The following UBC variants were observed in gnomAD, a reference collection of about 807,000 sequenced individuals.
The protein encoded by UBC is ubiquitin C.
A neutral mutation model predicts 34.7 loss-of-function variants in UBC; 8 were observed. The observed-to-expected ratio is 0.23, with a 90% confidence interval of 0.14 to 0.42. UBC has a LOEUF of 0.42. Ranked by LOEUF, UBC falls within the 10% of genes least tolerant of loss-of-function variation. UBC has a pLI of 1.00. For missense variants in UBC, 323 were observed against 750.3 expected (o/e 0.43, Z 6.65); for synonymous variants, 367 against 299.8 (o/e 1.22, Z -2.32).
In UBC at chr12:124,913,294, G is replaced by C; in HGVS notation, c.478C>G (p.Leu160Val). ...TCGAGGGTGATGGTCTTACCAGTCA[G>C]GGTCTTCACGAAGATCTGCATCCCA... ...RGGMQIFVKT[L>V]TGKTITLEVE... Residue 160 changes from leucine (L) to valine (V), a missense_variant, in exon 2 of 2, where the codon CTG (leucine) becomes GTG (valine). Physicochemically the swap from Leu to Val is conservative, Grantham distance 32. Transcript: ENST00000339647. 6.2e-7 allele frequency: 1 copy of C among 1,610,698 alleles called. No homozygotes were observed. Among genetic ancestry groups the C allele is most frequent in the Non-Finnish European group, 8.5e-7 (1 of 1,178,892 alleles).
At position 124,913,466 on chromosome 12, in the gene UBC, G is replaced by C. The variant is rs779647659; in HGVS notation, c.306C>G (p.Val102=). ...EVEPSDTIEN[V]KAKIQDKEGI... ...CTTCCTTGTCCTGGATCTTTGCTTTGACGTTCTCGATGGTGTCACTGGGCT... is the reference window on the plus strand; with the variant it reads ...CTTCCTTGTCCTGGATCTTTGCTTTCACGTTCTCGATGGTGTCACTGGGCT... The change falls in exon 2 of 2, where the codon GTC becomes GTG. Residue 102 remains valine (V), a synonymous_variant. Transcript: ENST00000339647. 9 of 1,611,066 alleles carry C rather than the reference G, an allele frequency of 5.6e-6. No individual in the cohort carries two copies. In the South Asian group the frequency reaches 7.7e-5, roughly 14 times the overall value.
In UBC at chr12:124,913,103, G is replaced by C. The variant is rs1346951246; in HGVS notation, c.669C>G (p.Leu223=). 3.1e-6 allele frequency: 5 copies of C among 1,608,838 alleles called. No homozygotes were observed. Among genetic ancestry groups the C allele is most frequent in the African/African-American group, 1.4e-5 (1 of 73,672 alleles). The part of the protein sequence containing the change: ...IQKESTLHLV[L]RLRGGMQIFV... Reference sequence around the variant, plus strand: ...AGATTTGCATCCCACCTCTGAGACGGAGTACCAGGTGCAAGGTGGACTCTT... The same window carrying C: ...AGATTTGCATCCCACCTCTGAGACGCAGTACCAGGTGCAAGGTGGACTCTT... Residue 223 remains leucine (L), a synonymous_variant, in exon 2 of 2, where the codon CTC becomes CTG. Transcript: ENST00000339647.
intron 1 of UBC, 120 bp downstream of exon 1, chr12:124,914,467 A>C (rs1378866330): frequency 6.5e-6 from 1 of 154,338 alleles, no homozygotes; most frequent in Non-Finnish European, 1.4e-5. Flanking sequence ...CCCCCAGTTC[A>C]GGGCAACCTT....
At chr12:124,913,937 G>A (rs894044465) in intron 1 of UBC, 163 bp from the exon 2 acceptor site, 105 of 1,108,552 alleles carry the variant, frequency 9.5e-5, no homozygotes, top group Middle Eastern at 5.2e-4. Context: ...CGGAGCTTCA[G>A]CTACTTAAGA....
Position 124,912,677 on chromosome 12 carries a change from G to A in UBC, c.1095C>T (p.Ile365=), listed in dbSNP as rs779902572. The A allele has an allele frequency of 6.2e-7, 1 of 1,611,196 alleles. No individual in the cohort carries two copies. Among genetic ancestry groups the A allele is most frequent in the South Asian group, 1.1e-5 (1 of 90,900 alleles). The stretch of plus-strand genomic sequence containing the variant: ...CCAGGTGCAAGGTGGACTCTTTCTG[G>A]ATGTTGTAGTCAGACAGGGTACGAC... The part of the protein sequence containing the change: ...EDGRTLSDYN[I]QKESTLHLVL... The change falls in exon 2 of 2, where the codon ATC becomes ATT. Residue 365 remains isoleucine, a synonymous_variant. Transcript: ENST00000339647.
intron 1 of UBC, chr12:124,914,364 C>G (rs534047124): frequency 1.3e-5 from 2 of 157,246 alleles, no homozygotes; most frequent in Admixed American, 1.2e-4. Flanking sequence ...CCACCATGCC[C>G]CCCACCTTGT....
In UBC at chr12:124,913,123, A is replaced by C; in HGVS notation, c.649T>G (p.Ser217Ala). 1 of 1,603,690 alleles carries C rather than the reference A, an allele frequency of 6.2e-7. No individual in the cohort carries two copies. Among genetic ancestry groups the C allele is most frequent in the Non-Finnish European group, 8.5e-7 (1 of 1,176,578 alleles). The change falls in exon 2 of 2, where the codon TCC becomes GCC. Residue 217 changes from serine (S) to alanine (A), a missense_variant. Coordinates refer to ENST00000339647, the MANE Select transcript of UBC (RefSeq NM_021009.7). ...AGACGGAGTACCAGGTGCAAGGTGG[A>C]CTCTTTCTGGATGTTGTAGTCAGAC... Reference protein sequence around the residue: ...TLSDYNIQKESTLHLVLRLRG... With the variant: ...TLSDYNIQKEATLHLVLRLRG...
At position 124,912,568 on chromosome 12, in the gene UBC, T is replaced by C; in HGVS notation, c.1204A>G (p.Thr402Ala). The change falls in exon 2 of 2, where the codon ACC (threonine) becomes GCC (alanine). Residue 402 changes from threonine to alanine, a missense_variant. This residue lies in a region of UBC where 66 missense variants were observed against 125.4 expected (regional missense o/e 0.53). Transcript: ENST00000339647. Reference protein sequence around the residue: ...TITLEVEPSDTIENVKAKIQD... With the variant: ...TITLEVEPSDAIENVKAKIQD... ...ATCTTTGCCTTGACATTCTCAATGG[T>C]GTCACTCGGCTCCACCTCGAGAGTG... 1 of 1,580,254 alleles carries C rather than the reference T, an allele frequency of 6.3e-7. No individual in the cohort carries two copies.
At position 124,913,334 on chromosome 12, in the gene UBC, C is replaced by G. The variant is rs970524334; in HGVS notation, c.438G>C (p.Val146=). Residue 146 remains valine, a synonymous_variant, in exon 2 of 2, where the codon GTG becomes GTC. Transcript: ENST00000339647. Reference sequence around the variant, plus strand: ...TCTGCATCCCACCTCTGAGACGGAGCACCAGGTGCAGGGTAGACTCTTTCT... The same window carrying G: ...TCTGCATCCCACCTCTGAGACGGAGGACCAGGTGCAGGGTAGACTCTTTCT... The part of the protein sequence containing the change: ...NIQKESTLHL[V]LRLRGGMQIF... The G allele has an allele frequency of 1.9e-6, 3 of 1,603,424 alleles. No individual in the cohort carries two copies. The highest frequency in any genetic ancestry group is 2.5e-6 in the Non-Finnish European group (3 of 1,176,622).
At chr12:124,914,000 C>G (rs1953570181) in intron 1 of UBC, 1 of 657,486 alleles carries the variant, frequency 1.5e-6, no homozygotes, top group Non-Finnish European at 2.5e-6. Context: ...TATCCCTCCC[C>G]TCACCAGAGG....
rs1953566469 is a variant in UBC, at chr12:124,913,885, T to G, written c.-3-111A>C. On this transcript the variant is annotated intron_variant, in intron 1 of 1. Transcript: ENST00000339647. ...CATTTCAAAAGGTGCCTAAAAAACTTCACAAAACACACTCGCCAACCCCGA... is the reference window on the plus strand; with the variant it reads ...CATTTCAAAAGGTGCCTAAAAAACTGCACAAAACACACTCGCCAACCCCGA... 4.0e-6 allele frequency: 6 copies of G among 1,513,354 alleles called. No homozygotes were observed. In the South Asian group the frequency reaches 6.4e-5, roughly 16 times the overall value. The allele number at this position is 1,513,354 out of a possible 1,614,324, so 93.7% of individuals were successfully genotyped here.
chr12:124,914,145 G>C (rs915382628), intron 1 of UBC: 2 of 261,990 alleles, frequency 7.6e-6, no homozygotes, highest in Non-Finnish European at 1.5e-5. Flanking sequence ...GTGACGTCAC[G>C]ACACGACGAG....
At position 124,913,559 on chromosome 12, in the gene UBC, G is replaced by A. The variant is rs1422579396; in HGVS notation, c.213C>T (p.Leu71=). 3 of 1,608,802 alleles carry A rather than the reference G, an allele frequency of 1.9e-6. No individual in the cohort carries two copies. The highest frequency in any genetic ancestry group is 3.4e-5 in the Admixed American group (2 of 59,162). ...AGATTTGCATCCCACCTCTGAGACG[G>A]AGCACCAGGTGCAGGGTGGACTCTT... is the stretch of plus-strand genomic sequence containing the variant. ...IQKESTLHLV[L]RLRGGMQIFV... Residue 71 remains leucine (L), a synonymous_variant, in exon 2 of 2, where the codon CTC becomes CTT. Coordinates refer to ENST00000339647, the MANE Select transcript of UBC (RefSeq NM_021009.7).
Position 124,913,423 on chromosome 12 carries a change from G to C in UBC, c.349C>G (p.Gln117Glu). 1 of 1,611,668 alleles carries C rather than the reference G, an allele frequency of 6.2e-7. No individual in the cohort carries two copies. Among genetic ancestry groups the C allele is most frequent in the Non-Finnish European group, 8.5e-7 (1 of 1,179,398 alleles). ...QDKEGIPPDQ[Q>E]RLIFAGKQLE... ...TGCTTTCCGGCAAAGATCAACCTCT[G>C]CTGGTCAGGAGGAATGCCTTCCTTG... The change falls in exon 2 of 2, where the codon CAG becomes GAG. Residue 117 changes from glutamine to glutamate, a missense_variant. This residue lies in a region of UBC where 202 missense variants were observed against 361.9 expected (regional missense o/e 0.56). Transcript: ENST00000339647.
At chr12:124,914,015 G>A in intron 1 of UBC, 1 of 609,074 alleles carries the variant, frequency 1.6e-6, no homozygotes, top group East Asian at 3.2e-5. Flanking sequence ...CAGAGGTCCG[G>A]CGCCTGTCGA....
chr12:124,914,158 CG>C, intron 1 of UBC: 1 of 247,178 alleles, frequency 4.0e-6, no homozygotes, highest in African/African-American at 2.3e-5. Context: ...ACGACGAGGG[CG>C]CGCGCTCCCA....
At chr12:124,914,093 C>G in intron 1 of UBC, 1 of 384,440 alleles carries the variant, frequency 2.6e-6, no homozygotes, top group Non-Finnish European at 4.7e-6. Flanking sequence ...CGCACACCTA[C>G]CGGCAGGTGG....
In UBC at chr12:124,913,145, A is replaced by G. The variant is rs1953547912; in HGVS notation, c.627T>C (p.Ser209=). 1 of 1,610,116 alleles carries G rather than the reference A, an allele frequency of 6.2e-7. No homozygotes were observed. The highest frequency in any genetic ancestry group is 1.4e-5 in the African/African-American group (1 of 74,018). Reference sequence around the variant, plus strand: ...TGGACTCTTTCTGGATGTTGTAGTCAGACAGGGTACGACCATCTTCCAGCT... The same window carrying G: ...TGGACTCTTTCTGGATGTTGTAGTCGGACAGGGTACGACCATCTTCCAGCT... ...GKQLEDGRTL[S]DYNIQKESTL... is the part of the protein sequence containing the mutation. The change falls in exon 2 of 2, where the codon TCT becomes TCC. Residue 209 remains serine (S), a synonymous_variant. Coordinates refer to ENST00000339647, the MANE Select transcript of UBC (RefSeq NM_021009.7).
chr12:124,911,962 G>A lies in UBC; in HGVS notation c.1810C>T (p.Arg604Cys), dbSNP rs2135905538. 1.3e-6 allele frequency: 2 copies of A among 1,595,734 alleles called. No individual in the cohort carries two copies. Among genetic ancestry groups the A allele is most frequent in the South Asian group, 1.1e-5 (1 of 89,730 alleles). The change falls in exon 2 of 2, where the codon CGT (arginine) becomes TGT (cysteine). Residue 604 changes from arginine to cysteine, a missense_variant. Physicochemically the swap from Arg to Cys is radical, Grantham distance 180 (BLOSUM62 -3). Around this residue, in one of 5 missense-constraint regions of UBC, gnomAD observed 49 missense variants for 112.6 expected, o/e 0.44. Transcript: ENST00000339647. The stretch of plus-strand genomic sequence containing the variant: ...AAGATTTGCATCCCACCTCTGAGAC[G>A]GAGCACCAGGTGCAGGGTGGACTCT... ...QKESTLHLVL[R>C]LRGGMQIFVK... is the part of the protein sequence containing the mutation.
Sources: allele counts gnomAD v4.1 joint callset, GRCh38; gene constraint gnomAD v4.1.1; regional missense constraint gnomAD v4.1.1; transcripts MANE v1.5; gene names NCBI Gene and HGNC (gene_info 2026-07-23, HGNC 2026-07-21).